POTEJ: variants seen among roughly 807,000 people sequenced by gnomAD.
POTEJ encodes the protein POTE ankyrin domain family, member J.
A neutral mutation model predicts 69.0 loss-of-function variants in POTEJ; 11 were observed. The ratio of observed to expected loss-of-function variants is 0.16; its 90% CI spans 0.10 to 0.26. The LOEUF is 0.26. Ranked by LOEUF, POTEJ falls within the 10% of genes least tolerant of loss-of-function variation. POTEJ has a pLI of 1.00. For synonymous variants in POTEJ, 117 were observed against 381.1 expected (o/e 0.31, Z 8.07); for missense variants, 327 against 1,045.5 (o/e 0.31, Z 9.48).
chr2:130,640,231 G>C (rs1273837002), intron 10 of POTEJ, among the ~76,000 whole-genome samples: 1 of 143,294 alleles, frequency 7.0e-6, no homozygotes, highest in Admixed American at 7.0e-5. Flanking sequence ...AGGAAGAGCA[G>C]CAAGTGCAGA....
intron 5 of POTEJ, among the ~76,000 whole-genome samples, 193 bp from the exon 6 acceptor site, chr2:130,623,871 C>A (rs1158243179): frequency 2.4e-5 from 3 of 126,764 alleles, no homozygotes; most frequent in Non-Finnish European, 4.9e-5. Flanking sequence ...GAGTATTTCA[C>A]CTTACATTTT....
chr2:130,612,509 G>A (rs1685246575), intron 1 of POTEJ, among the ~76,000 whole-genome samples: 1 of 152,290 alleles, frequency 6.6e-6, no homozygotes, highest in African/African-American at 2.4e-5. Flanking sequence ...GCTCATGCCT[G>A]TAATCCCAGC....
chr2:130,627,652 C>G (rs202125157), intron 6 of POTEJ, among the ~76,000 whole-genome samples: 9,972 of 52,480 alleles, frequency 0.19, 1 homozygote, highest in African/African-American at 0.2. Flanking sequence ...TTGTGTTCTT[C>G]CTTTAAACAA....
intron 6 of POTEJ, among the ~76,000 whole-genome samples, chr2:130,629,127 T>G (rs1298851516): frequency 6.6e-6 from 1 of 151,966 alleles, no homozygotes; most frequent in East Asian, 1.9e-4. Context: ...AGTAGTAATT[T>G]TTGAAATCAT....
intron 1 of POTEJ, among the ~76,000 whole-genome samples, chr2:130,615,355 A>C (rs1373243398): frequency 9.9e-6 from 1 of 101,282 alleles, no homozygotes; most frequent in African/African-American, 4.8e-5. Flanking sequence ...GTCTTGGGGA[A>C]AAGACTGTTT....
intron 9 of POTEJ, among the ~76,000 whole-genome samples, chr2:130,634,775 TGACTC>T (rs765196524): frequency 2.3e-5 from 3 of 128,790 alleles, no homozygotes; most frequent in Non-Finnish European, 4.8e-5. Context: ...TTCTCAGTCA[TGACTC>T]CTAAGCATGA....
intron 8 of POTEJ, among the ~76,000 whole-genome samples, chr2:130,631,887 C>T (rs1685912700): frequency 7.0e-6 from 1 of 143,428 alleles, no homozygotes; most frequent in Non-Finnish European, 1.5e-5. Flanking sequence ...TCAGCAGTTT[C>T]ACTCTGCTTC....
chr2:130,632,780 T>A, intron 9 of POTEJ, 124 bp downstream of exon 9: 1 of 1,337,230 alleles, frequency 7.5e-7, no homozygotes, highest in Non-Finnish European at 1.0e-6. Context: ...TGCCCATTAA[T>A]CAGAAAAATG....
intron 1 of POTEJ, among the ~76,000 whole-genome samples, chr2:130,613,404 A>C (rs1211871516): frequency 7.0e-6 from 1 of 143,476 alleles, no homozygotes; most frequent in Non-Finnish European, 1.5e-5. Context: ...ATATATATAT[A>C]TATATACTTT....
rs569767659 is a variant in POTEJ, at chr2:130,631,048, A to G, written c.1087-361A>G. 4.9e-5 allele frequency among the ~76,000 whole-genome samples: 7 copies of G among 144,016 alleles called. No individual in the cohort carries two copies. In the East Asian group the frequency reaches 1.2e-3, roughly 24 times the overall value. 94.5% of individuals were successfully genotyped at this position (144,016 alleles called of 152,430 possible). ...GTGAGGAAGGTTTTGGAATACTACA[A>G]ATCATCTGCTGATTCATTTTTGGTA... On this transcript the variant is annotated intron_variant, in intron 7 of 14. Transcript: ENST00000409602.
At chr2:130,645,526 T>A (rs1180972571) in intron 11 of POTEJ, among the ~76,000 whole-genome samples, 3 of 141,828 alleles carry the variant, frequency 2.1e-5, no homozygotes, top group Admixed American at 7.2e-5. Context: ...AAGCCAGTGA[T>A]GTGGCAGTAG....
intron 1 of POTEJ, among the ~76,000 whole-genome samples, chr2:130,615,818 T>C (rs1212145600): frequency 2.1e-5 from 3 of 142,728 alleles, no homozygotes; most frequent in African/African-American, 8.5e-5. Context: ...AACAACAAAA[T>C]TTATAACAGT....
rs561320998 is a variant in POTEJ at position 130,636,867 on chromosome 2, C to T, written c.1299-1752C>T. ...CAGCACTTTGGGAGGCCAAGGCAGG[C>T]GGATCACGAGGTCAGGAGATCGAGA... On this transcript the variant is annotated intron_variant, in intron 9 of 14. Transcript: ENST00000409602. Among the ~76,000 whole-genome samples the T allele has an allele frequency of 1.6e-4, 23 of 147,328 alleles. 3 individuals are homozygous for T. The highest frequency in any genetic ancestry group is 2.6e-4 in the Non-Finnish European group (17 of 65,520).
At position 130,641,924 on chromosome 2, in the gene POTEJ, G is replaced by T. The variant is rs143429288; in HGVS notation, c.1370-2059G>T. On this transcript the variant is annotated intron_variant, in intron 10 of 14. Transcript: ENST00000409602. ...CACAGAACACAGAATTGGGACAGAT[G>T]AACTTAATAGATGAAGATGAATATC... Among the ~76,000 whole-genome samples, 764 of 152,302 alleles carry T rather than the reference G, an allele frequency of 5.0e-3. 10 individuals are homozygous for T. The highest frequency in any genetic ancestry group is 0.014 in the Admixed American group (213 of 15,288).
chr2:130,644,452 G>A (rs1302074666), intron 11 of POTEJ, among the ~76,000 whole-genome samples: 6 of 152,110 alleles, frequency 3.9e-5, no homozygotes, highest in Admixed American at 6.6e-5. Context: ...CTGGGTGACA[G>A]AGCGAGACTC....
intron 10 of POTEJ, among the ~76,000 whole-genome samples, chr2:130,642,016 A>G (rs1286496978): frequency 6.6e-6 from 1 of 151,470 alleles, no homozygotes; most frequent in African/African-American, 2.4e-5. Flanking sequence ...CAGAAAAGAA[A>G]GAGCAAGGAG....
chr2:130,624,817 C>G (rs560737295), intron 6 of POTEJ, among the ~76,000 whole-genome samples: 4 of 152,214 alleles, frequency 2.6e-5, no homozygotes, highest in Non-Finnish European at 5.9e-5. Context: ...TGACTTCATT[C>G]CTCCTCATTT....
intron 11 of POTEJ, among the ~76,000 whole-genome samples, chr2:130,644,345 C>T (rs1398895322): frequency 6.7e-6 from 1 of 149,180 alleles, no homozygotes; most frequent in East Asian, 1.9e-4. Flanking sequence ...TGGCGGGTGC[C>T]TGTAGTCCCA....
intron 14 of POTEJ, among the ~76,000 whole-genome samples, chr2:130,655,498 C>G (rs1319997596): frequency 2.0e-5 from 3 of 152,242 alleles, no homozygotes; most frequent in Non-Finnish European, 4.4e-5. Flanking sequence ...ACAGTTTGCT[C>G]CAAGTAGTTT....
Sources: allele counts gnomAD v4.1 joint callset (sites outside exome capture counted in the v4.1 genomes callset), GRCh38; gene constraint gnomAD v4.1.1; transcripts MANE v1.5; gene names NCBI Gene and HGNC (gene_info 2026-07-23, HGNC 2026-07-21).